Variants in AFG3L2 observed in about 807,000 individuals in gnomAD.
The protein encoded by AFG3L2 is AFG3 like matrix AAA peptidase subunit 2.
Under a neutral mutation model 94.5 loss-of-function variants are expected in AFG3L2, and 54 were observed. That is an observed-to-expected ratio of 0.57 (90% CI 0.46 to 0.72). The LOEUF is 0.72. Among genes scored for constraint, AFG3L2 ranks in the 30% least tolerant of loss-of-function variants. AFG3L2 has a pLI of 0.00. For synonymous variants in AFG3L2, 377 were observed against 365.5 expected (o/e 1.03, Z -0.36); for missense variants, 754 against 994.9 (o/e 0.76, Z 3.26).
At chr18:12,375,024 C>T (rs559956658) in intron 1 of AFG3L2, among the ~76,000 whole-genome samples, 43 of 149,712 alleles carry the variant, frequency 2.9e-4, no homozygotes, top group Non-Finnish European at 5.8e-4. Flanking sequence ...CCACTGCACT[C>T]CAGTCTGGGC....
At chr18:12,338,388 G>C (rs1907823227) in intron 15 of AFG3L2, among the ~76,000 whole-genome samples, 1 of 152,202 alleles carries the variant, frequency 6.6e-6, no homozygotes, top group African/African-American at 2.4e-5. Flanking sequence ...AAGGGCAACT[G>C]CATTTCCCCG....
At chr18:12,365,872 T>TC (rs5823209) in intron 5 of AFG3L2, among the ~76,000 whole-genome samples, 5 of 72,342 alleles carry the variant, frequency 6.9e-5, no homozygotes, top group African/African-American at 1.7e-4. Context: ...GCATCAATTC[T>TC]TTTTTTTTTT....
intron 6 of AFG3L2, among the ~76,000 whole-genome samples, chr18:12,362,040 A>G (rs1908677131): frequency 6.6e-6 from 1 of 152,246 alleles, no homozygotes; most frequent in Non-Finnish European, 1.5e-5. Flanking sequence ...TCAGAACACA[A>G]TCTAGATAAG....
intron 16 of AFG3L2, among the ~76,000 whole-genome samples, chr18:12,331,818 T>A (rs1197946782): frequency 5.6e-3 from 9 of 1,610 alleles, no homozygotes; most frequent in African/African-American, 7.8e-3. Flanking sequence ...AATATATATA[T>A]ATATATATAT....
At position 12,329,770 on chromosome 18, in the gene AFG3L2, A is replaced by C; in HGVS notation, c.2189T>G (p.Leu730Trp). ...KADVEKVALL[L>W]LEKEVLDKND... Reference sequence around the variant, plus strand: ...CTTATCTAATACTTCTTTTTCTAACAACAGAAGAGCAACCTGAAATATGAA... The same window carrying C: ...CTTATCTAATACTTCTTTTTCTAACCACAGAAGAGCAACCTGAAATATGAA... Residue 730 changes from leucine to tryptophan, a missense_variant, in exon 17 of 17, where the codon TTG becomes TGG. Leu to Trp is a moderately conservative substitution (Grantham distance 61, BLOSUM62 -2). This residue lies in a region of AFG3L2 where 279 missense variants were observed against 378.6 expected (regional missense o/e 0.74). Coordinates refer to ENST00000269143, the MANE Select transcript of AFG3L2 (RefSeq NM_006796.3). 6.2e-7 allele frequency: 1 copy of C among 1,613,868 alleles called. No homozygotes were observed. The highest frequency in any genetic ancestry group is 8.5e-7 in the Non-Finnish European group (1 of 1,179,762).
At chr18:12,335,661 C>T (rs937301202) in intron 16 of AFG3L2, among the ~76,000 whole-genome samples, 1 of 152,204 alleles carries the variant, frequency 6.6e-6, no homozygotes, top group Non-Finnish European at 1.5e-5. Context: ...GCAGCAGGCT[C>T]AGGGCTGCCC....
intron 16 of AFG3L2, among the ~76,000 whole-genome samples, chr18:12,332,969 TATATATTATATAA>T (rs1441786588): frequency 6.0e-4 from 17 of 28,230 alleles, no homozygotes; most frequent in East Asian, 3.4e-3. Context: ...TATAATATAT[TATATATTATATAA>T]ATATATTATA....
rs768294624 is a variant in AFG3L2, at chr18:12,352,348, TTC to T, written c.1318+655_1318+656del. Among the ~76,000 whole-genome samples, 620 of 152,274 alleles carry T rather than the reference TTC, an allele frequency of 4.1e-3. 3 individuals carry two copies. The highest frequency in any genetic ancestry group is 6.5e-3 in the Non-Finnish European group (440 of 68,012). On this transcript the variant is annotated intron_variant, in intron 10 of 16. Transcript: ENST00000269143. The stretch of plus-strand genomic sequence containing the variant: ...TGCCTGGCTTCATCATTGAAGCCAG[TTC>T]AGTACTGGCACTGTGCTTCCCCTTT...
Position 12,329,201 on chromosome 18 carries a change from G to A in AFG3L2, c.*364C>T. The A allele has an allele frequency of 1.4e-6, 1 of 702,944 alleles. No individual in the cohort carries two copies. The highest frequency in any genetic ancestry group is 2.7e-5 in the East Asian group (1 of 37,284). 43.5% of individuals were successfully genotyped at this position (702,944 alleles called of 1,614,324 possible). A position where few individuals can be genotyped will look rare whatever the true frequency, so the allele number is the denominator to read the frequency against. On this transcript the variant is annotated 3_prime_UTR_variant, in exon 17 of 17. Transcript: ENST00000269143. ...AGGAATGAAGAGTGGGCGACAAAGA[G>A]AAAGCATCCCTTCCCACACGCCAAG...
chr18:12,356,153 ATT>A (rs775634147), intron 9 of AFG3L2, among the ~76,000 whole-genome samples: 12 of 141,408 alleles, frequency 8.5e-5, no homozygotes, highest in East Asian at 2.1e-4. Context: ...ATAAAGCAAA[ATT>A]TTTTTTTTTT....
At chr18:12,361,015 T>C (rs971737288) in intron 6 of AFG3L2, among the ~76,000 whole-genome samples, 1 of 152,362 alleles carries the variant, frequency 6.6e-6, no homozygotes, top group Admixed American at 6.5e-5. Flanking sequence ...TTGTTTCTCC[T>C]CTAACCTGCA....
intron 16 of AFG3L2, among the ~76,000 whole-genome samples, chr18:12,332,123 A>ATTTTTTTT (rs10689491): frequency 3.0e-5 from 4 of 131,712 alleles, no homozygotes; most frequent in African/African-American, 1.2e-4. Context: ...TCATAAAATG[A>ATTTTTTTT]TTTTTTTTTT....
Position 12,377,011 on chromosome 18 carries a change from C to T in AFG3L2, c.72G>A (p.Val24=), listed in dbSNP as rs770506000. 11 of 1,461,602 alleles carry T rather than the reference C, an allele frequency of 7.5e-6. No individual in the cohort carries two copies. In the South Asian group the frequency reaches 1.3e-4, roughly 17 times the overall value. The allele number at this position is 1,461,602 out of a possible 1,614,324, so 90.5% of individuals were successfully genotyped here. ...GCTCGCCCGGGCCCACGCCGCCAGG[C>T]ACGAGGAGCTGCTGTAGGCCGCGGG... ...CWPRGLQQLL[V]PGGVGPGEQP... is the part of the protein sequence containing the mutation. Residue 24 remains valine, a synonymous_variant, in exon 1 of 17, where the codon GTG becomes GTA. Transcript: ENST00000269143.
rs138345417 is a variant in AFG3L2, at chr18:12,366,599, G to A, written c.552+366C>T. On this transcript the variant is annotated intron_variant, in intron 5 of 16. Transcript: ENST00000269143. ...ACAACAGCACAAAGCAGGGGCAGACGCTGGCACATGATAGCACAGAGCAGG... is the reference window on the plus strand; with the variant it reads ...ACAACAGCACAAAGCAGGGGCAGACACTGGCACATGATAGCACAGAGCAGG... Among the ~76,000 whole-genome samples, 337 of 152,172 alleles carry A rather than the reference G, an allele frequency of 2.2e-3. 1 individual carries two copies. Among genetic ancestry groups the A allele is most frequent in the African/African-American group, 7.9e-3 (329 of 41,500 alleles).
chr18:12,376,392 T>C (rs773152907), intron 1 of AFG3L2, among the ~76,000 whole-genome samples: 9 of 152,254 alleles, frequency 5.9e-5, no homozygotes, highest in Admixed American at 5.2e-4. Context: ...TCTAGAGGGA[T>C]GGCTACCAAC....
intron 16 of AFG3L2, among the ~76,000 whole-genome samples, chr18:12,335,728 A>T (rs1568133201): frequency 6.6e-6 from 1 of 152,110 alleles, no homozygotes; most frequent in Non-Finnish European, 1.5e-5. Flanking sequence ...TGACCTGCTC[A>T]TCCTTCTGGG....
chr18:12,366,843 A>C (rs1410445235), intron 5 of AFG3L2, 122 bp downstream of exon 5: 2 of 1,365,180 alleles, frequency 1.5e-6, no homozygotes. Flanking sequence ...GAAAAATCTG[A>C]GTGAAAATAA....
intron 5 of AFG3L2, among the ~76,000 whole-genome samples, chr18:12,365,176 GTC>G (rs1459858951): frequency 6.6e-6 from 1 of 152,242 alleles, no homozygotes; most frequent in African/African-American, 2.4e-5. Flanking sequence ...CTTAAAGGCA[GTC>G]TCTGTCAGAG....
chr18:12,371,204 C>T (rs1055207005), intron 2 of AFG3L2, among the ~76,000 whole-genome samples: 11 of 151,858 alleles, frequency 7.2e-5, no homozygotes, highest in African/African-American at 2.7e-4. Context: ...ATCCCAGCTA[C>T]TCGGGAGGCT....
Sources: gnomAD v4.1 joint callset for allele counts (sites outside exome capture counted in the v4.1 genomes callset) on GRCh38, gnomAD v4.1.1 for gene constraint, gnomAD v4.1.1 regional missense constraint, MANE v1.5 for transcripts, NCBI Gene and HGNC (gene_info 2026-07-23, HGNC 2026-07-21) for gene names.